The following USP50 variants were observed in gnomAD, a reference collection of about 807,000 sequenced individuals.
USP50 encodes the protein ubiquitin specific peptidase 50, also known as ubiquitin carboxyl-terminal hydrolase 50.
A neutral mutation model predicts 39.2 loss-of-function variants in USP50; 37 were observed. The ratio of observed to expected loss-of-function variants is 0.94; its 90% CI spans 0.73 to 1.24. The LOEUF is 1.24. Ranked by LOEUF, USP50 falls within the 50% of genes most tolerant of loss-of-function variation. The pLI, the probability that USP50 is intolerant of heterozygous loss-of-function variation, is 0.00. For missense variants in USP50, 374 were observed against 398.2 expected, an observed-to-expected ratio of 0.94 and a Z score of 0.52; for synonymous variants, 139 against 144.5, an observed-to-expected ratio of 0.96 and a Z score of 0.27.
chr15:50,526,294 A>T lies in USP50; in HGVS notation c.936+3503T>A, dbSNP rs528290050. On this transcript the variant is annotated intron_variant, in intron 6 of 6. Coordinates refer to ENST00000532404, the MANE Select transcript of USP50 (RefSeq NM_203494.5). ...AGGCTGGTCTCCAACTCTTGAGCTC[A>T]AGCAATCCTCCTGTCTCAGCCTCCC... Among the ~76,000 whole-genome samples the T allele has an allele frequency of 2.9e-3, 439 of 152,286 alleles. 3 individuals carry two copies. Among genetic ancestry groups the T allele is most frequent in the African/African-American group, 0.01 (429 of 41,558 alleles).
intron 3 of USP50, among the ~76,000 whole-genome samples, chr15:50,541,902 T>C (rs770756636): frequency 1.3e-4 from 20 of 152,008 alleles, no homozygotes; most frequent in Non-Finnish European, 2.8e-4. Flanking sequence ...CTTTAACTTC[T>C]AGAAAACACT....
chr15:50,498,972 T>TTTAAG (rs1208395444), downstream of USP50: 1 of 1,613,948 alleles, frequency 6.2e-7, no homozygotes, highest in Non-Finnish European at 8.5e-7. Context: ...ACAACGGTGG[T>TTTAAG]TTAAGTTTGA....
At chr15:50,506,739 C>G (rs1202479857) in intron 6 of USP50, 1 of 151,994 alleles carries the variant, frequency 6.6e-6, no homozygotes, top group Non-Finnish European at 1.5e-5. Flanking sequence ...GGGGGCGGAT[C>G]ACGAGGTCAG....
At chr15:50,522,802 C>T (rs562187525) in intron 6 of USP50, among the ~76,000 whole-genome samples, 5 of 152,210 alleles carry the variant, frequency 3.3e-5, no homozygotes, top group African/African-American at 7.2e-5. Flanking sequence ...TGTGCCACCA[C>T]GCCAGGCTAA....
intron 3 of USP50, 78 bp downstream of exon 3, chr15:50,543,520 C>T: frequency 7.3e-7 from 1 of 1,379,182 alleles, no homozygotes; most frequent in Non-Finnish European, 1.0e-6. Flanking sequence ...ATTAATTGAA[C>T]AAGTAAAAGA....
chr15:50,498,891 T>C, downstream of USP50: 2 of 1,574,548 alleles, frequency 1.3e-6, no homozygotes, highest in Admixed American at 1.9e-5. Context: ...TTTTCTATCT[T>C]GTTTGGCACA....
At chr15:50,515,641 A>AAT (rs1375960267) in intron 6 of USP50, among the ~76,000 whole-genome samples, 1 of 107,968 alleles carries the variant, frequency 9.3e-6, no homozygotes, top group Non-Finnish European at 1.9e-5. Flanking sequence ...ATAGATGTAA[A>AAT]ATATATATGT....
chr15:50,535,298 A>G (rs2052971462), intron 5 of USP50, among the ~76,000 whole-genome samples: 2 of 152,232 alleles, frequency 1.3e-5, no homozygotes, highest in Admixed American at 6.5e-5. Context: ...CAACGACACC[A>G]TCTGTCCATA....
chr15:50,506,086 C>A (rs2052654353), intron 6 of USP50: 1 of 152,286 alleles, frequency 6.6e-6, no homozygotes, highest in African/African-American at 2.4e-5. Context: ...TGAAAGCTGT[C>A]GTTTTTTAGC....
intron 5 of USP50, among the ~76,000 whole-genome samples, chr15:50,533,764 G>A (rs903009464): frequency 1.3e-5 from 2 of 152,176 alleles, no homozygotes; most frequent in Non-Finnish European, 2.9e-5. Context: ...ACTTTGGGAG[G>A]CCAAGGCAGG....
At chr15:50,495,567 G>A (rs548843593), downstream of USP50, among the ~76,000 whole-genome samples, 1 of 151,922 alleles carries the variant, frequency 6.6e-6, no homozygotes, top group Admixed American at 6.5e-5. Context: ...TTCCCAGAAT[G>A]CTGGGATTAC....
At position 50,500,690 on chromosome 15, in the gene USP50, A is replaced by G; in HGVS notation, c.*79T>C. ...TGTATTGGTATGGAAAAGGGCTGGC[A>G]GCTATAGAACAGGAGATCCATAGCA... On this transcript the variant is annotated 3_prime_UTR_variant, in exon 7 of 7. Transcript: ENST00000532404. 3 of 1,361,602 alleles carry G rather than the reference A, an allele frequency of 2.2e-6. No homozygotes were observed. Among genetic ancestry groups the G allele is most frequent in the Non-Finnish European group, 3.1e-6 (3 of 975,480 alleles). 84.3% of individuals were successfully genotyped at this position (1,361,602 alleles called of 1,614,324 possible).
intron 4 of USP50, among the ~76,000 whole-genome samples, chr15:50,540,403 T>TG (rs1390399355): frequency 6.6e-6 from 1 of 152,206 alleles, no homozygotes; most frequent in African/African-American, 2.4e-5. Flanking sequence ...TACAGACCTC[T>TG]GGGGTAAGGG....
chr15:50,521,859 G>T (rs1220243804), intron 6 of USP50, among the ~76,000 whole-genome samples: 1 of 152,122 alleles, frequency 6.6e-6, no homozygotes, highest in African/African-American at 2.4e-5. Flanking sequence ...AGCTAGTTGG[G>T]AGGCTAAGGC....
chr15:50,520,398 C>T (rs1021641551), intron 6 of USP50, among the ~76,000 whole-genome samples: 1 of 151,074 alleles, frequency 6.6e-6, no homozygotes, highest in Non-Finnish European at 1.5e-5. Context: ...CCTTTCTGGG[C>T]TCAAGTGATC....
At chr15:50,543,020 T>C (rs1416787013) in intron 3 of USP50, among the ~76,000 whole-genome samples, 1 of 152,206 alleles carries the variant, frequency 6.6e-6, no homozygotes, top group African/African-American at 2.4e-5. Context: ...GCAAAACCTC[T>C]AGAGTAACTG....
chr15:50,493,798 C>G, downstream of USP50: 1 of 576,850 alleles, frequency 1.7e-6, no homozygotes, highest in Non-Finnish European at 3.2e-6. Context: ...AGGATGAGAG[C>G]AGTGCCAGAA....
chr15:50,538,684 C>A, intron 5 of USP50, 25 bp downstream of exon 5: 2 of 1,544,596 alleles, frequency 1.3e-6, no homozygotes, highest in Non-Finnish European at 1.7e-6. Flanking sequence ...AAAATATGTG[C>A]CCACAAAAAT....
intron 5 of USP50, among the ~76,000 whole-genome samples, chr15:50,536,962 G>A (rs920263386): frequency 1.3e-4 from 20 of 152,128 alleles, no homozygotes; most frequent in Non-Finnish European, 2.9e-5. Flanking sequence ...AGTTTATGGG[G>A]TGAGGTAAAA....
Sources: gnomAD v4.1 joint callset for allele counts (sites outside exome capture counted in the v4.1 genomes callset) on GRCh38, gnomAD v4.1.1 for gene constraint, MANE v1.5 for transcripts, NCBI Gene and HGNC (gene_info 2026-07-23, HGNC 2026-07-21) for gene names.